The following STXBP3 variants were observed in gnomAD, a reference collection of about 807,000 sequenced individuals.
STXBP3 encodes syntaxin-binding protein 3.
STXBP3 carries 41 observed loss-of-function variants against 85.7 expected under a neutral mutation model. That is an observed-to-expected ratio of 0.48 (90% CI 0.37 to 0.62). The LOEUF (loss-of-function observed/expected upper bound fraction) is 0.62, where lower values mean the gene tolerates loss of function less well. Among genes scored for constraint, STXBP3 ranks in the 20% least tolerant of loss-of-function variants. The pLI, the probability that STXBP3 is intolerant of heterozygous loss-of-function variation, is 0.00. For synonymous variants in STXBP3, 229 were observed against 231.7 expected (o/e 0.99, Z 0.10); for missense variants, 563 against 703.1 (o/e 0.80, Z 2.25).
intron 6 of STXBP3, among the ~76,000 whole-genome samples, chr1:108,770,694 G>A (rs1662372033): frequency 6.6e-6 from 1 of 152,162 alleles, no homozygotes; most frequent in African/African-American, 2.4e-5. Flanking sequence ...AATTTTCATA[G>A]TTTAAGAGAA....
chr1:108,791,390 T>C (rs1662971490), intron 11 of STXBP3, among the ~76,000 whole-genome samples: 1 of 152,166 alleles, frequency 6.6e-6, no homozygotes, highest in African/African-American at 2.4e-5. Flanking sequence ...TTGATAACTT[T>C]CATTATGTTT....
intron 6 of STXBP3, among the ~76,000 whole-genome samples, chr1:108,769,896 C>G (rs1398911790): frequency 6.6e-6 from 1 of 152,106 alleles, no homozygotes; most frequent in Non-Finnish European, 1.5e-5. Context: ...GTACTGAGGC[C>G]GAAGGGCTAG....
At position 108,746,679 on chromosome 1, in the gene STXBP3, T is replaced by G; in HGVS notation, c.-59T>G. ...GGCGGGGCCACCCCAACGCCGCTTC[T>G]GCGGCCAAAGTAGGTTGGGAGTGGA... On this transcript the variant is annotated 5_prime_UTR_variant, in exon 1 of 19. Transcript: ENST00000370008. 5.2e-6 allele frequency: 8 copies of G among 1,544,060 alleles called. No homozygotes were observed. The highest frequency in any genetic ancestry group is 6.1e-6 in the Non-Finnish European group (7 of 1,141,746).
intron 6 of STXBP3, among the ~76,000 whole-genome samples, chr1:108,761,091 A>G (rs1022839196): frequency 1.3e-5 from 2 of 152,028 alleles, no homozygotes; most frequent in Non-Finnish European, 2.9e-5. Flanking sequence ...TTTTTAGAAG[A>G]GATGGGGTTT....
In STXBP3 at chr1:108,782,704, A is replaced by G. The variant is rs1403042460; in HGVS notation, c.961A>G (p.Lys321Glu). Residue 321 changes from lysine to glutamate, a missense_variant and splice_region_variant, in exon 11 of 19, where the codon AAG becomes GAG. Physicochemically the swap from Lys to Glu is moderately conservative, Grantham distance 56. Transcript: ENST00000370008. ...ATCAACAAAGAAAGCAACAGAAGGAAAGGTAAGAGTCTTACTTAACTTTCA... is the reference window on the plus strand; with the variant it reads ...ATCAACAAAGAAAGCAACAGAAGGAGAGGTAAGAGTCTTACTTAACTTTCA... ...ISSTKKATEG[K>E]TSLSALTQLM... The G allele has an allele frequency of 6.2e-7, 1 of 1,605,864 alleles. No individual in the cohort carries two copies. Among genetic ancestry groups the G allele is most frequent in the South Asian group, 1.1e-5 (1 of 89,106 alleles).
intron 6 of STXBP3, among the ~76,000 whole-genome samples, chr1:108,770,511 G>C (rs1165472984): frequency 1.3e-5 from 2 of 152,130 alleles, no homozygotes; most frequent in Non-Finnish European, 2.9e-5. Flanking sequence ...GCAGGAAAGA[G>C]ATAAGTGGAT....
chr1:108,797,723 G>A (rs753948590), intron 15 of STXBP3, among the ~76,000 whole-genome samples: 1 of 150,442 alleles, frequency 6.6e-6, no homozygotes, highest in Admixed American at 6.6e-5. Flanking sequence ...AAGTTTTTTT[G>A]TGTGTATGTG....
intron 1 of STXBP3, among the ~76,000 whole-genome samples, chr1:108,747,991 G>T (rs1215785179): frequency 6.6e-6 from 1 of 152,102 alleles, no homozygotes; most frequent in Non-Finnish European, 1.5e-5. Flanking sequence ...ATTAACATCC[G>T]CATGTATGTA....
rs1663023160 is a variant in STXBP3, at chr1:108,793,541, G to A, written c.964-41G>A. 4 of 1,517,432 alleles carry A rather than the reference G, an allele frequency of 2.6e-6. No individual in the cohort carries two copies. The South Asian group carries it at 3.4e-5, about 13-fold the overall frequency. 94.0% of individuals were successfully genotyped at this position (1,517,432 alleles called of 1,614,324 possible). A position where few individuals can be genotyped will look rare whatever the true frequency, so the allele number is the denominator to read the frequency against. ...TTCAAAGTTGTAATATGGAATAACT[G>A]AATCATAGGCTTGCCTAAAAAAATG... On this transcript the variant is annotated intron_variant, in intron 11 of 18. Transcript: ENST00000370008.
At chr1:108,761,572 A>G (rs772382593) in intron 6 of STXBP3, among the ~76,000 whole-genome samples, 1 of 152,196 alleles carries the variant, frequency 6.6e-6, no homozygotes, top group South Asian at 2.1e-4. Context: ...AGAAGTTTCT[A>G]CTTATCAGTC....
chr1:108,789,310 T>C (rs1054125738), intron 11 of STXBP3, among the ~76,000 whole-genome samples: 3 of 152,164 alleles, frequency 2.0e-5, no homozygotes, highest in African/African-American at 7.2e-5. Flanking sequence ...CTTAAAACAT[T>C]ATGAGATGTT....
At chr1:108,760,464 T>C (rs1173093319) in intron 6 of STXBP3, among the ~76,000 whole-genome samples, 1 of 152,092 alleles carries the variant, frequency 6.6e-6, no homozygotes, top group East Asian at 1.9e-4. Flanking sequence ...TAATATTATG[T>C]AAATTATTTT....
chr1:108,782,839 T>C, intron 11 of STXBP3, 133 bp downstream of exon 11: 1 of 684,884 alleles, frequency 1.5e-6, no homozygotes, highest in South Asian at 2.3e-5. Flanking sequence ...AACTCCTACG[T>C]ACCCATTGCC....
chr1:108,766,402 TATG>T (rs1442029440), intron 6 of STXBP3, among the ~76,000 whole-genome samples: 17 of 152,248 alleles, frequency 1.1e-4, no homozygotes, highest in African/African-American at 3.9e-4. Flanking sequence ...ATCCAGTTGC[TATG>T]ATAAGTCTCT....
rs371959113 is a variant in STXBP3, at chr1:108,771,814, T to TAC, written c.439-850_439-849insCA. On this transcript the variant is annotated intron_variant, in intron 6 of 18. Transcript: ENST00000370008. The stretch of plus-strand genomic sequence containing the variant: ...TCTATCTATATATATCATATATAAA[T>TAC]ATATGATATCTATCTATATATCATA... Among the ~76,000 whole-genome samples the TAC allele has an allele frequency of 3.0e-4, 5 of 16,592 alleles. 2 individuals carry two copies. Among genetic ancestry groups the TAC allele is most frequent in the African/African-American group, 8.9e-4 (4 of 4,508 alleles). The allele number at this position is 16,592 out of a possible 152,430, so 10.9% of individuals were successfully genotyped here. A position where few individuals can be genotyped will look rare whatever the true frequency, so the allele number is the denominator to read the frequency against.
At chr1:108,765,591 T>TTTTTC (rs796642937) in intron 6 of STXBP3, among the ~76,000 whole-genome samples, 41,043 of 122,276 alleles carry the variant, frequency 0.34, 8,171 homozygotes, top group Middle Eastern at 0.41. Context: ...TTTTTTTTTT[T>TTTTTC]TGAGACGGAG....
chr1:108,796,114 T>G, intron 13 of STXBP3, 120 bp from the exon 14 acceptor site: 1 of 996,880 alleles, frequency 1.0e-6, no homozygotes, highest in East Asian at 2.7e-5. Context: ...TGATCTGCCT[T>G]GGCCTCCCAA....
chr1:108,798,532 C>T (rs1045506377), intron 16 of STXBP3, among the ~76,000 whole-genome samples: 5 of 151,148 alleles, frequency 3.3e-5, no homozygotes, highest in African/African-American at 1.2e-4. Context: ...TCTCTTGCCT[C>T]AGCCTCCCGA....
At chr1:108,766,990 G>T in intron 6 of STXBP3, 1 of 505,598 alleles carries the variant, frequency 2.0e-6, no homozygotes. Context: ...CCTGCTTTGA[G>T]ACCCCCTTGT....
Sources: gnomAD v4.1 joint callset for allele counts (sites outside exome capture counted in the v4.1 genomes callset) on GRCh38, gnomAD v4.1.1 for gene constraint, MANE v1.5 for transcripts, NCBI Gene and HGNC (gene_info 2026-07-23, HGNC 2026-07-21) for gene names.